The following INTS10 variants were observed in gnomAD, a reference collection of about 807,000 sequenced individuals.
INTS10 encodes chromosome 8 open reading frame 35.
A neutral mutation model predicts 94.4 loss-of-function variants in INTS10; 44 were observed. The ratio of observed to expected loss-of-function variants is 0.47; its 90% CI spans 0.37 to 0.60. The LOEUF is 0.60. Ranked by LOEUF, INTS10 falls within the 20% of genes least tolerant of loss-of-function variation. The pLI is 0.00. For synonymous variants in INTS10, 341 were observed against 320.7 expected (o/e 1.06, Z -0.68); for missense variants, 797 against 868.7 (o/e 0.92, Z 1.04).
intron 9 of INTS10, among the ~76,000 whole-genome samples, chr8:19,829,684 G>A (rs2067080459): frequency 6.6e-6 from 1 of 152,070 alleles, no homozygotes; most frequent in Non-Finnish European, 1.5e-5. Context: ...TTTTGTTGTT[G>A]TTGAGACAGA....
intron 12 of INTS10, 68 bp downstream of exon 12, chr8:19,833,389 G>C: frequency 7.9e-7 from 1 of 1,269,440 alleles, no homozygotes; most frequent in South Asian, 1.9e-5. Context: ...CCTTTCCCTA[G>C]CGTGGCTTTT....
Position 19,826,537 on chromosome 8 carries a change from C to A in INTS10, c.1118C>A (p.Ala373Asp). Residue 373 changes from alanine (A) to aspartate (D), a missense_variant, in exon 9 of 17, where the codon GCT becomes GAT. This residue lies in a region of INTS10 where 734 missense variants were observed against 787.8 expected (regional missense o/e 0.93). Transcript: ENST00000397977. ...NKHIHKKRKL[A>D]EGREKTMSSD... ...CACATCCATAAAAAGAGGAAACTAG[C>A]TGAAGGAAGAGAAAAAACCATGGTA... is the stretch of plus-strand genomic sequence containing the variant. The A allele has an allele frequency of 6.2e-7, 1 of 1,611,436 alleles. No individual in the cohort carries two copies. The highest frequency in any genetic ancestry group is 8.5e-7 in the Non-Finnish European group (1 of 1,179,156).
At chr8:19,848,505 C>G (rs77850721) in intron 16 of INTS10, among the ~76,000 whole-genome samples, 33 of 152,284 alleles carry the variant, frequency 2.2e-4, no homozygotes, top group Admixed American at 1.2e-3. Flanking sequence ...TACTTATACT[C>G]TGAATAGGGT....
At chr8:19,825,436 G>C (rs1460653146) in intron 8 of INTS10, among the ~76,000 whole-genome samples, 1 of 151,428 alleles carries the variant, frequency 6.6e-6, no homozygotes, top group East Asian at 1.9e-4. Flanking sequence ...TGAGGCAGGA[G>C]AATCGCCTGA....
intron 12 of INTS10, among the ~76,000 whole-genome samples, chr8:19,833,712 A>C (rs1054452446): frequency 1.3e-5 from 2 of 152,162 alleles, no homozygotes; most frequent in Non-Finnish European, 2.9e-5. Context: ...TCTCTCTTTA[A>C]ATGGTAATAA....
intron 12 of INTS10, among the ~76,000 whole-genome samples, chr8:19,835,590 C>T (rs988437444): frequency 6.6e-6 from 1 of 152,154 alleles, no homozygotes; most frequent in South Asian, 2.1e-4. Context: ...AGATGGGCAT[C>T]GAAGGATGGC....
At chr8:19,829,276 T>A (rs936888106) in intron 9 of INTS10, among the ~76,000 whole-genome samples, 1 of 152,216 alleles carries the variant, frequency 6.6e-6, no homozygotes, top group Non-Finnish European at 1.5e-5. Flanking sequence ...TCATTTGGGT[T>A]ATTAAATCAG....
rs376678960 is a variant in INTS10, at chr8:19,830,355, A to C, written c.1141-51A>C. 746 of 1,521,162 alleles carry C rather than the reference A, an allele frequency of 4.9e-4. 5 individuals carry two copies. The East Asian group carries it at 5.3e-3, about 11-fold the overall frequency. The allele number at this position is 1,521,162 out of a possible 1,614,324, so 94.2% of individuals were successfully genotyped here. On this transcript the variant is annotated intron_variant, in intron 9 of 16. Coordinates refer to ENST00000397977, the MANE Select transcript of INTS10 (RefSeq NM_018142.4). ...TGGCAGCAATAATATGTTTCCATAT[A>C]TGACTATATTTATAACTGAATTAAC...
intron 13 of INTS10, chr8:19,841,951 A>G: frequency 2.4e-6 from 1 of 413,880 alleles, no homozygotes; most frequent in East Asian, 7.2e-5. Context: ...GATCTATCAC[A>G]TTATGTAAGT....
rs748662144 is a variant in INTS10 at position 19,820,391 on chromosome 8, C to G, written c.314C>G (p.Thr105Ser). Residue 105 changes from threonine (T) to serine (S), a missense_variant, in exon 4 of 17, where the codon ACT (threonine) becomes AGT (serine). By Grantham distance (58) the Thr-to-Ser change is moderately conservative. This residue lies in a region of INTS10 where 734 missense variants were observed against 787.8 expected (regional missense o/e 0.93). Coordinates refer to ENST00000397977, the MANE Select transcript of INTS10 (RefSeq NM_018142.4). ...ATGTTTCGTACAGGTTTATTTGAAA[C>G]TCTTCCTGGTCGGGTCCAGTGTGAA... ...QTQFLRSLFE[T>S]LPGRVQCEML... 2 of 1,609,478 alleles carry G rather than the reference C, an allele frequency of 1.2e-6. No homozygotes were observed. The highest frequency in any genetic ancestry group is 1.7e-6 in the Non-Finnish European group (2 of 1,177,144).
At chr8:19,818,201 A>G (rs776072542) in intron 1 of INTS10, 74 bp from the exon 2 acceptor site, 2 of 1,463,786 alleles carry the variant, frequency 1.4e-6, no homozygotes, top group East Asian at 2.3e-5. Flanking sequence ...CAGGAGGGCC[A>G]ACGAGCGATG....
At position 19,844,205 on chromosome 8, in the gene INTS10, T is replaced by C. The variant is rs781709503; in HGVS notation, c.1849T>C (p.Phe617Leu). Reference protein sequence around the residue: ...AVNKICQQGNFQYENFFNYVT... With the variant: ...AVNKICQQGNLQYENFFNYVT... ...CAATAAAATTTGCCAACAAGGAAAT[T>C]TCCAATATGAGAATTTTTTCAATTA... is the stretch of plus-strand genomic sequence containing the variant. Residue 617 changes from phenylalanine to leucine, a missense_variant, in exon 15 of 17, where the codon TTC becomes CTC. Coordinates refer to ENST00000397977, the MANE Select transcript of INTS10 (RefSeq NM_018142.4). 1 of 1,613,002 alleles carries C rather than the reference T, an allele frequency of 6.2e-7. No individual in the cohort carries two copies. The highest frequency in any genetic ancestry group is 1.3e-5 in the African/African-American group (1 of 74,908).
Position 19,849,021 on chromosome 8 carries a change from C to T in INTS10, c.1977-2628C>T, listed in dbSNP as rs964277777. ...TCCCCAGTCTCCTTAAACACCCAGC[C>T]ACGGCCAGGGGCTTGTTGAGGTTAA... On this transcript the variant is annotated intron_variant, in intron 16 of 16. Transcript: ENST00000397977. The surrounding 1 kb of genome is among the most constrained non-coding windows in gnomAD (Gnocchi z 4.6). 1.8e-5 allele frequency: 6 copies of T among 331,970 alleles called. No individual in the cohort carries two copies. The highest frequency in any genetic ancestry group is 3.1e-5 in the Non-Finnish European group (5 of 160,082). The allele number at this position is 331,970 out of a possible 1,614,324, so 20.6% of individuals were successfully genotyped here. A position where few individuals can be genotyped will look rare whatever the true frequency, so the allele number is the denominator to read the frequency against.
chr8:19,850,575 CAG>C (rs1563485062), intron 16 of INTS10, among the ~76,000 whole-genome samples: 2 of 151,894 alleles, frequency 1.3e-5, no homozygotes, highest in East Asian at 1.9e-4. Flanking sequence ...TTTTTAAAAA[CAG>C]AAACATTTTA....
At position 19,824,851 on chromosome 8, in the gene INTS10, GAAC is replaced by G. The variant is rs2066666708; in HGVS notation, c.889_891del (p.Asn297del). 1 of 1,612,704 alleles carries G rather than the reference GAAC, an allele frequency of 6.2e-7. No homozygotes were observed. The highest frequency in any genetic ancestry group is 1.3e-5 in the African/African-American group (1 of 74,894). On this transcript the variant is annotated inframe_deletion, in exon 8 of 17. Transcript: ENST00000397977. ...GAATGAAGGATCTCTGCAGATACATGAACAACTTTGATAGTGAAGCACATGCAA... is the reference window on the plus strand; with the variant it reads ...GAATGAAGGATCTCTGCAGATACATGAACTTTGATAGTGAAGCACATGCAA...
At chr8:19,825,952 A>G (rs1157959759) in intron 8 of INTS10, among the ~76,000 whole-genome samples, 1 of 152,156 alleles carries the variant, frequency 6.6e-6, no homozygotes, top group African/African-American at 2.4e-5. Flanking sequence ...TTTTCTTTCT[A>G]TGTGCATATA....
rs528765975 is a variant in INTS10, at chr8:19,836,429, T to C, written c.1531-623T>C. ...CTCCTCTCCACCAGCAGTGCATCCG[T>C]CCAGTGTCTCATCTGTGTCCTAGAC... is the stretch of plus-strand genomic sequence containing the variant. On this transcript the variant is annotated intron_variant, in intron 12 of 16. Transcript: ENST00000397977. Among the ~76,000 whole-genome samples the C allele has an allele frequency of 2.0e-5, 3 of 152,308 alleles. No individual in the cohort carries two copies. The East Asian group carries it at 5.8e-4, about 29-fold the overall frequency.
In INTS10 at chr8:19,818,319, C is replaced by T; in HGVS notation, c.174C>T (p.Thr58=). 1 of 1,614,154 alleles carries T rather than the reference C, an allele frequency of 6.2e-7. No homozygotes were observed. The highest frequency in any genetic ancestry group is 1.1e-5 in the South Asian group (1 of 91,084). ...TIERNAERTA[T]AGRLLYDMFV... is the part of the protein sequence containing the mutation. ...AGCGGAATGCAGAGCGGACCGCCAC[C>T]GCCGGGAGGCTGCTGTACGACATGT... The change falls in exon 2 of 17, where the codon ACC becomes ACT. Residue 58 remains threonine, a synonymous_variant. Coordinates refer to ENST00000397977, the MANE Select transcript of INTS10 (RefSeq NM_018142.4).
chr8:19,836,921 A>G (rs1182954216), intron 12 of INTS10, 131 bp from the exon 13 acceptor site: 1 of 640,632 alleles, frequency 1.6e-6, no homozygotes, highest in African/African-American at 1.8e-5. Flanking sequence ...GGTAATGATC[A>G]CATAGAGAGG....
Sources: gnomAD v4.1 joint callset for allele counts (sites outside exome capture counted in the v4.1 genomes callset) on GRCh38, gnomAD v4.1.1 for gene constraint, gnomAD v4.1.1 regional missense constraint, Gnocchi (gnomAD v3.1) non-coding constraint, MANE v1.5 for transcripts, NCBI Gene and HGNC (gene_info 2026-07-23, HGNC 2026-07-21) for gene names.